The following PAK3 variants were observed in gnomAD, a reference collection of about 807,000 sequenced individuals.
The protein encoded by PAK3 is serine/threonine-protein kinase PAK 3.
A neutral mutation model predicts 41.0 loss-of-function variants in PAK3; 4 were observed. The observed-to-expected ratio is 0.10, with a 90% CI of 0.05 to 0.22. PAK3 has a LOEUF of 0.22. Ranked by LOEUF, PAK3 falls within the 10% of genes least tolerant of loss-of-function variation. The pLI, the probability that PAK3 is intolerant of heterozygous loss-of-function variation, is 1.00. For missense variants in PAK3, 205 were observed against 409.9 expected, an observed-to-expected ratio of 0.50 and a Z score of 4.32; for synonymous variants, 146 against 139.6, an observed-to-expected ratio of 1.05 and a Z score of -0.32.
At chrX:111,028,544 A>C (rs2092303527) in intron 1 of PAK3, among the ~76,000 whole-genome samples, 1 of 111,665 alleles carries the variant, frequency 9.0e-6, no homozygotes. Context: ...TAAGGGAAAA[A>C]TAATAATTTA....
rs756540536 is a variant in PAK3 at position 110,979,568 on chromosome X, A to G, written c.-28+34940A>G. Among the ~76,000 whole-genome samples the G allele has an allele frequency of 4.5e-5, 5 of 111,876 alleles. No individual in the cohort carries two copies. In the South Asian group the frequency reaches 1.9e-3, roughly 42 times the overall value. On this transcript the variant is annotated intron_variant, in intron 1 of 14. Coordinates refer to the PAK3 transcript ENST00000425146. Reference sequence around the variant, plus strand: ...CTTGGCCTCCCAAAGTGCTGGGATTACAGGCATGAGCCACTGCACCCAGCC... The same window carrying G: ...CTTGGCCTCCCAAAGTGCTGGGATTGCAGGCATGAGCCACTGCACCCAGCC...
At chrX:111,019,530 CAA>C (rs145174631) in intron 1 of PAK3, among the ~76,000 whole-genome samples, 24 of 74,963 alleles carry the variant, frequency 3.2e-4, no homozygotes, top group African/African-American at 1.1e-3. Context: ...ACCATCTTTA[CAA>C]AAAAAAAAAA....
At chrX:111,049,592 A>C (rs1443031293) in intron 1 of PAK3, among the ~76,000 whole-genome samples, 1 of 112,284 alleles carries the variant, frequency 8.9e-6, no homozygotes, top group Non-Finnish European at 1.9e-5. Flanking sequence ...TATTAGACTA[A>C]TCCCACCCAA....
chrX:111,072,132 C>T (rs747726094), intron 1 of PAK3, among the ~76,000 whole-genome samples: 4 of 112,243 alleles, frequency 3.6e-5, no homozygotes, highest in African/African-American at 1.3e-4. Context: ...ATTCTACTTG[C>T]AATCTCCACT....
intron 11 of PAK3, among the ~76,000 whole-genome samples, chrX:111,190,128 A>G (rs1484843209): frequency 9.0e-6 from 1 of 111,428 alleles, no homozygotes. Flanking sequence ...GAATTATCAA[A>G]TCCCGGTTTA....
intron 5 of PAK3, among the ~76,000 whole-genome samples, chrX:111,137,976 CAAAA>C (rs1172694467): frequency 5.5e-5 from 6 of 109,446 alleles, no homozygotes; most frequent in Non-Finnish European, 1.1e-4. Flanking sequence ...AAAAACAAAA[CAAAA>C]GAAAAACTGG....
intron 1 of PAK3, among the ~76,000 whole-genome samples, chrX:111,074,361 T>A (rs1026813546): frequency 1.6e-4 from 18 of 111,100 alleles, no homozygotes; most frequent in Non-Finnish European, 3.0e-4. Context: ...GCTCAGTTAG[T>A]TCATGTGAGA....
At chrX:110,996,591 G>A (rs2091744122) in intron 1 of PAK3, among the ~76,000 whole-genome samples, 1 of 111,054 alleles carries the variant, frequency 9.0e-6, no homozygotes, top group African/African-American at 3.3e-5. Context: ...TGATCTAATG[G>A]GATTAGTGCC....
chrX:110,983,581 A>G (rs1477739581), intron 1 of PAK3, among the ~76,000 whole-genome samples: 2 of 109,600 alleles, frequency 1.8e-5, no homozygotes, highest in Non-Finnish European at 1.9e-5. Context: ...AGAAACTGGT[A>G]GGAACAAAGT....
At chrX:111,035,399 A>G (rs1602937647) in intron 1 of PAK3, among the ~76,000 whole-genome samples, 1 of 111,538 alleles carries the variant, frequency 9.0e-6, no homozygotes, top group African/African-American at 3.3e-5. Flanking sequence ...TAGCCATTAC[A>G]ATGCCCAGAG....
At chrX:111,060,174 A>G (rs1379971293) in intron 1 of PAK3, among the ~76,000 whole-genome samples, 6 of 111,707 alleles carry the variant, frequency 5.4e-5, no homozygotes, top group Admixed American at 4.8e-4. Context: ...CTTTTTCTGT[A>G]TCTATTGAGA....
chrX:111,068,981 C>T (rs1251253180), intron 1 of PAK3, among the ~76,000 whole-genome samples: 3 of 111,869 alleles, frequency 2.7e-5, no homozygotes, highest in Non-Finnish European at 3.8e-5. Flanking sequence ...TATTCTCAAT[C>T]GATACAAATG....
chrX:111,173,617 T>C (rs1341968464), intron 11 of PAK3, among the ~76,000 whole-genome samples: 1 of 111,428 alleles, frequency 9.0e-6, no homozygotes, highest in African/African-American at 3.3e-5. Flanking sequence ...TTAATATACT[T>C]GTTAAAGATA....
At chrX:111,001,732 A>T (rs955645916) in intron 1 of PAK3, among the ~76,000 whole-genome samples, 9 of 111,947 alleles carry the variant, frequency 8.0e-5, no homozygotes, top group African/African-American at 9.7e-5. Context: ...GGCCTGATGT[A>T]TACTTACAAA....
At position 111,051,016 on chromosome X, in the gene PAK3, A is replaced by G. The variant is rs781325466; in HGVS notation, c.-27-72061A>G. 1.4e-4 allele frequency among the ~76,000 whole-genome samples: 16 copies of G among 111,705 alleles called. No homozygotes were observed. In the East Asian group the frequency reaches 4.6e-3, roughly 32 times the overall value. On this transcript the variant is annotated intron_variant, in intron 1 of 14. Transcript: ENST00000425146. ...GTGGTCCAAGGCTCTGCAGTGGTTC[A>G]TAGCTATAGGAAATGGAACCTAGAA...
chrX:110,973,929 C>A lies in PAK3; in HGVS notation c.-28+29301C>A, dbSNP rs770131286. ...GGTTGCAATCCTAGTCTCTGATAAA[C>A]CAGATTTTAAACCAACAAACATCAA... On this transcript the variant is annotated intron_variant, in intron 1 of 14. Transcript: ENST00000425146. Among the ~76,000 whole-genome samples, 23 of 111,437 alleles carry A rather than the reference C, an allele frequency of 2.1e-4. No homozygotes were observed. The East Asian group carries it at 6.2e-3, about 30-fold the overall frequency.
rs189391187 is a variant in PAK3 at position 111,031,234 on chromosome X, G to A, written c.-28+86606G>A. Among the ~76,000 whole-genome samples, 4 of 111,897 alleles carry A rather than the reference G, an allele frequency of 3.6e-5. No homozygotes were observed. In the East Asian group the frequency reaches 1.1e-3, roughly 32 times the overall value. ...AATACAGTAAGTGAGGACTAGATTG[G>A]AAGTAGGTAGAGAGAGCTAGGCAAG... On this transcript the variant is annotated intron_variant, in intron 1 of 14. Coordinates refer to the PAK3 transcript ENST00000425146.
chrX:111,132,671 T>G (rs2093735552), intron 5 of PAK3, among the ~76,000 whole-genome samples: 1 of 111,667 alleles, frequency 9.0e-6, no homozygotes, highest in Non-Finnish European at 1.9e-5. Flanking sequence ...CTGGGCTGCA[T>G]TCTGACTTTG....
chrX:110,991,205 A>G (rs886341157), intron 1 of PAK3, among the ~76,000 whole-genome samples: 2 of 111,867 alleles, frequency 1.8e-5, no homozygotes, highest in Non-Finnish European at 3.8e-5. Context: ...GGTTAATTAC[A>G]TCACAGGAGG....
Sources: allele counts gnomAD v4.1 joint callset (sites outside exome capture counted in the v4.1 genomes callset), GRCh38; gene constraint gnomAD v4.1.1; transcripts MANE v1.5; gene names NCBI Gene and HGNC (gene_info 2026-07-23, HGNC 2026-07-21).